The following DSCAM variants were observed in gnomAD, a reference collection of about 807,000 sequenced individuals.
DSCAM encodes the protein DS cell adhesion molecule.
In DSCAM, 47 loss-of-function variants were observed where a neutral mutation model predicts 217.7. That is an observed-to-expected ratio of 0.22 (90% CI 0.17 to 0.28). The LOEUF (loss-of-function observed/expected upper bound fraction) is 0.28. Ranked by LOEUF, DSCAM falls within the 10% of genes least tolerant of loss-of-function variation. The pLI is 1.00. For synonymous variants in DSCAM, 1,056 were observed against 1,015.3 expected (o/e 1.04, Z -0.76); for missense variants, 2,080 against 2,618.3 (o/e 0.79, Z 4.49).
At chr21:40,063,905 T>A (rs1458361888) in intron 27 of DSCAM, among the ~76,000 whole-genome samples, 1 of 152,146 alleles carries the variant, frequency 6.6e-6, no homozygotes, top group Non-Finnish European at 1.5e-5. Flanking sequence ...AGTTGGCCAG[T>A]CCCAATGGTA....
intron 21 of DSCAM, 70 bp from the exon 22 acceptor site, chr21:40,087,357 A>G (rs527635124): frequency 1.7e-6 from 2 of 1,183,620 alleles, no homozygotes; most frequent in African/African-American, 1.5e-5. Flanking sequence ...AACATGACCT[A>G]CTCAATAAGG....
intron 3 of DSCAM, among the ~76,000 whole-genome samples, chr21:40,636,245 G>A (rs965287752): frequency 6.6e-6 from 1 of 152,046 alleles, no homozygotes; most frequent in Non-Finnish European, 1.5e-5. Flanking sequence ...ACGGAGCCAA[G>A]ACATTTATGC....
At chr21:40,177,087 A>AGAT (rs1191184035) in intron 15 of DSCAM, among the ~76,000 whole-genome samples, 1 of 152,262 alleles carries the variant, frequency 6.6e-6, no homozygotes, top group Non-Finnish European at 1.5e-5. Flanking sequence ...AGGAAGTCAG[A>AGAT]GATGACATTT....
At position 40,709,273 on chromosome 21, in the gene DSCAM, T is replaced by C. The variant is rs529216729; in HGVS notation, c.44-502A>G. 2.6e-3 allele frequency among the ~76,000 whole-genome samples: 400 copies of C among 152,326 alleles called. 1 individual carries two copies. The highest frequency in any genetic ancestry group is 4.0e-3 in the Non-Finnish European group (272 of 68,036). On this transcript the variant is annotated intron_variant, in intron 1 of 32. Transcript: ENST00000400454. ...GGATCAAATTGCTCTCTTTACTAGCTTCACTGAGGGTTATTATGCAATGAA... is the reference window on the plus strand; with the variant it reads ...GGATCAAATTGCTCTCTTTACTAGCCTCACTGAGGGTTATTATGCAATGAA...
chr21:40,311,410 T>G (rs2074135863), intron 9 of DSCAM, among the ~76,000 whole-genome samples: 1 of 152,198 alleles, frequency 6.6e-6, no homozygotes. Context: ...ATTTGGTGAC[T>G]TGAATAGAAG....
In DSCAM at chr21:40,178,912, C is replaced by T. The variant is rs2090763626; in HGVS notation, c.2947+15G>A. 2 of 1,612,614 alleles carry T rather than the reference C, an allele frequency of 1.2e-6. No homozygotes were observed. Among genetic ancestry groups the T allele is most frequent in the Non-Finnish European group, 8.5e-7 (1 of 1,179,920 alleles). On this transcript the variant is annotated intron_variant, in intron 15 of 32. Coordinates refer to ENST00000400454, the MANE Select transcript of DSCAM (RefSeq NM_001389.5). ...CGGGCTCCTCTGGAGCAAGGTTCCGCCCGGTCCCACGTACCTGCCTCGTCC... is the reference window on the plus strand; with the variant it reads ...CGGGCTCCTCTGGAGCAAGGTTCCGTCCGGTCCCACGTACCTGCCTCGTCC...
At chr21:40,723,657 G>C (rs1795491057) in intron 1 of DSCAM, among the ~76,000 whole-genome samples, 1 of 152,038 alleles carries the variant, frequency 6.6e-6, no homozygotes, top group African/African-American at 2.4e-5. Flanking sequence ...AAATATTATG[G>C]TTTTCATACT....
At chr21:40,637,316 TATATAA>T (rs2089790614) in intron 3 of DSCAM, among the ~76,000 whole-genome samples, 1 of 29,178 alleles carries the variant, frequency 3.4e-5, no homozygotes, top group Non-Finnish European at 5.6e-5. Context: ...TATATAAATA[TATATAA>T]ATATAAATAT....
At chr21:40,039,142 A>G (rs781215866) in intron 32 of DSCAM, among the ~76,000 whole-genome samples, 6 of 151,932 alleles carry the variant, frequency 3.9e-5, no homozygotes, top group Non-Finnish European at 7.4e-5. Context: ...CAATATGCAC[A>G]TGTACCCTGA....
At chr21:40,043,966 A>C (rs2088800544) in intron 31 of DSCAM, 112 bp downstream of exon 31, 16 of 1,085,400 alleles carry the variant, frequency 1.5e-5, no homozygotes, top group Non-Finnish European at 2.0e-5. Context: ...CTTCAAAAGA[A>C]CATAAGTAAG....
At chr21:40,766,573 A>G (rs2091391884) in intron 1 of DSCAM, among the ~76,000 whole-genome samples, 1 of 151,514 alleles carries the variant, frequency 6.6e-6, no homozygotes, top group South Asian at 2.1e-4. Flanking sequence ...CAGATGGAGA[A>G]AACACAGCCT....
chr21:40,198,991 G>GA (rs2091043390), intron 11 of DSCAM, among the ~76,000 whole-genome samples: 1 of 152,196 alleles, frequency 6.6e-6, no homozygotes, highest in Admixed American at 6.5e-5. Context: ...CCAGTAGAAA[G>GA]AAACAGCCCA....
At chr21:40,224,679 T>C (rs1268423311) in intron 11 of DSCAM, among the ~76,000 whole-genome samples, 1 of 152,192 alleles carries the variant, frequency 6.6e-6, no homozygotes, top group African/African-American at 2.4e-5. Flanking sequence ...ACATCTTAAA[T>C]CTGCATTTGA....
chr21:40,528,026 T>C (rs556601518), intron 3 of DSCAM, among the ~76,000 whole-genome samples: 84 of 152,326 alleles, frequency 5.5e-4, no homozygotes, highest in African/African-American at 1.9e-3. Context: ...AGCTCCTTTT[T>C]AAACCTCAAA....
chr21:40,676,253 G>GT (rs2090335946), intron 3 of DSCAM, among the ~76,000 whole-genome samples: 3 of 151,848 alleles, frequency 2.0e-5, no homozygotes, highest in Non-Finnish European at 4.4e-5. Context: ...GTCAAAGCCA[G>GT]TAAAAAAAGC....
At chr21:40,076,148 G>C (rs2089362835) in intron 26 of DSCAM, among the ~76,000 whole-genome samples, 1 of 152,090 alleles carries the variant, frequency 6.6e-6, no homozygotes, top group Non-Finnish European at 1.5e-5. Flanking sequence ...GCAGAGCAGG[G>C]ATAATGGAAT....
rs184237427 is a variant in DSCAM at position 40,362,009 on chromosome 21, G to A, written c.655+7090C>T. ...CATTGTTCAATTCCCATCTATGAGTGAGAACATGCGGTGTTTGGTTTTTTG... is the reference window on the plus strand; with the variant it reads ...CATTGTTCAATTCCCATCTATGAGTAAGAACATGCGGTGTTTGGTTTTTTG... On this transcript the variant is annotated intron_variant, in intron 4 of 32. Transcript: ENST00000400454. 2.4e-3 allele frequency among the ~76,000 whole-genome samples: 364 copies of A among 152,260 alleles called. 3 individuals carry two copies. The highest frequency in any genetic ancestry group is 8.2e-3 in the African/African-American group (339 of 41,534).
At chr21:40,713,757 T>G (rs951381404) in intron 1 of DSCAM, among the ~76,000 whole-genome samples, 5 of 152,212 alleles carry the variant, frequency 3.3e-5, no homozygotes, top group African/African-American at 1.2e-4. Context: ...AATGGTCATG[T>G]AACCAGTCAT....
intron 11 of DSCAM, among the ~76,000 whole-genome samples, chr21:40,197,548 A>G (rs2091025892): frequency 6.6e-6 from 1 of 152,252 alleles, no homozygotes; most frequent in South Asian, 2.1e-4. Flanking sequence ...TTATTAAAAA[A>G]TCAATATTAC....
Sources: gnomAD v4.1 joint callset for allele counts (sites outside exome capture counted in the v4.1 genomes callset) on GRCh38, gnomAD v4.1.1 for gene constraint, MANE v1.5 for transcripts, NCBI Gene and HGNC (gene_info 2026-07-23, HGNC 2026-07-21) for gene names.